The following MAPKAP1 variants were observed in gnomAD, a reference collection of about 807,000 sequenced individuals.
MAPKAP1 encodes the protein MAPK associated protein 1, also known as target of rapamycin complex 2 subunit MAPKAP1.
Under a neutral mutation model 65.7 loss-of-function variants are expected in MAPKAP1, and 20 were observed. The observed-to-expected ratio is 0.30, with a 90% confidence interval of 0.21 to 0.44. MAPKAP1 has a LOEUF of 0.44. Among genes scored for constraint, MAPKAP1 ranks in the 20% least tolerant of loss-of-function variants. The pLI is 1.00. For missense variants in MAPKAP1, 423 were observed against 648.0 expected (o/e 0.65, Z 3.77); for synonymous variants, 222 against 244.3 (o/e 0.91, Z 0.85).
rs149637571 is a variant in MAPKAP1 at position 125,476,915 on chromosome 9, T to C, written c.1207+7528A>G. Among the ~76,000 whole-genome samples the C allele has an allele frequency of 4.2e-3, 641 of 152,332 alleles. 3 individuals carry two copies. Among genetic ancestry groups the C allele is most frequent in the Non-Finnish European group, 7.5e-3 (511 of 68,026 alleles). On this transcript the variant is annotated intron_variant, in intron 9 of 11. Coordinates refer to ENST00000265960, the MANE Select transcript of MAPKAP1 (RefSeq NM_001006617.3). Reference sequence around the variant, plus strand: ...TGTTGCCCTCAGACACAGCTGGAGATGCTGCCTCAGCATAATGCTCTGGGC... The same window carrying C: ...TGTTGCCCTCAGACACAGCTGGAGACGCTGCCTCAGCATAATGCTCTGGGC...
intron 4 of MAPKAP1, among the ~76,000 whole-genome samples, chr9:125,655,612 C>A (rs1834013248): frequency 6.6e-6 from 1 of 152,156 alleles, no homozygotes; most frequent in African/African-American, 2.4e-5. Context: ...TTAATATGTA[C>A]AGTACAATAT....
At chr9:125,635,521 T>G (rs890087958) in intron 4 of MAPKAP1, among the ~76,000 whole-genome samples, 1 of 152,172 alleles carries the variant, frequency 6.6e-6, no homozygotes, top group Non-Finnish European at 1.5e-5. Flanking sequence ...GCGCCCTACC[T>G]TTTGCCACAA....
At chr9:125,581,324 T>A (rs953666271) in intron 5 of MAPKAP1, among the ~76,000 whole-genome samples, 2 of 152,256 alleles carry the variant, frequency 1.3e-5, no homozygotes, top group Non-Finnish European at 2.9e-5. Flanking sequence ...TCAACAGAAA[T>A]GATGTATGAT....
intron 4 of MAPKAP1, among the ~76,000 whole-genome samples, chr9:125,633,969 C>T (rs535325111): frequency 3.6e-4 from 55 of 152,204 alleles, no homozygotes; most frequent in South Asian, 3.5e-3. Context: ...TGCTGGAATC[C>T]GATGTGTTAA....
chr9:125,450,563 AT>A (rs1852906721), intron 10 of MAPKAP1, among the ~76,000 whole-genome samples: 1 of 152,134 alleles, frequency 6.6e-6, no homozygotes, highest in African/African-American at 2.4e-5. Context: ...TCATGTTGCT[AT>A]CTCTGTTGGG....
At chr9:125,653,081 C>T (rs1833938079) in intron 4 of MAPKAP1, among the ~76,000 whole-genome samples, 1 of 152,192 alleles carries the variant, frequency 6.6e-6, no homozygotes, top group South Asian at 2.1e-4. Context: ...TGCTACACGT[C>T]CTGCTAAACA....
intron 10 of MAPKAP1, among the ~76,000 whole-genome samples, chr9:125,459,552 T>A (rs939750630): frequency 2.0e-5 from 3 of 152,072 alleles, no homozygotes; most frequent in Non-Finnish European, 4.4e-5. Context: ...CGAGACTCCG[T>A]CTGCAATCCC....
At chr9:125,521,488 AT>A in intron 7 of MAPKAP1, 2 of 1,257,434 alleles carry the variant, frequency 1.6e-6, no homozygotes, top group Non-Finnish European at 2.0e-6. Context: ...ATAAACAGTC[AT>A]TTATTTTAAA....
At chr9:125,685,596 G>A (rs531437658) in intron 1 of MAPKAP1, among the ~76,000 whole-genome samples, 1 of 152,374 alleles carries the variant, frequency 6.6e-6, no homozygotes, top group South Asian at 2.1e-4. Context: ...TGGTTGCCAT[G>A]TTAAGGAATG....
At chr9:125,700,073 G>A (rs1835549664) in intron 1 of MAPKAP1, among the ~76,000 whole-genome samples, 1 of 152,186 alleles carries the variant, frequency 6.6e-6, no homozygotes, top group African/African-American at 2.4e-5. Flanking sequence ...AGACTGTCCA[G>A]CTTACAGACT....
chr9:125,675,712 T>A (rs752403154), intron 1 of MAPKAP1, among the ~76,000 whole-genome samples: 1 of 152,224 alleles, frequency 6.6e-6, no homozygotes, highest in African/African-American at 2.4e-5. Context: ...TAACACCATA[T>A]TCCTTCTGGC....
At position 125,672,659 on chromosome 9, in the gene MAPKAP1, A is replaced by G; in HGVS notation, c.-69-16T>C. 4 of 1,444,418 alleles carry G rather than the reference A, an allele frequency of 2.8e-6. No homozygotes were observed. The highest frequency in any genetic ancestry group is 2.6e-5 in the South Asian group (2 of 78,416). The allele number at this position is 1,444,418 out of a possible 1,614,324, so 89.5% of individuals were successfully genotyped here. On this transcript the variant is annotated splice_polypyrimidine_tract_variant and intron_variant, in intron 1 of 11. Transcript: ENST00000265960. ...GCTCACCTACCTAGAAACATGATGT[A>G]CACAGCAAATATTTAAGAATAAGGC...
At chr9:125,478,591 A>C (rs953214429) in intron 9 of MAPKAP1, among the ~76,000 whole-genome samples, 3 of 152,080 alleles carry the variant, frequency 2.0e-5, no homozygotes, top group Non-Finnish European at 4.4e-5. Context: ...TGGCCTCCCA[A>C]AGTGCTGGGA....
chr9:125,698,305 ATATATAT>A (rs1835478341), intron 1 of MAPKAP1, among the ~76,000 whole-genome samples: 9 of 30,178 alleles, frequency 3.0e-4, no homozygotes, highest in South Asian at 1.5e-3. Context: ...ATATATATAT[ATATATAT>A]ATATATATAT....
At chr9:125,581,793 G>A (rs1831634481) in intron 5 of MAPKAP1, among the ~76,000 whole-genome samples, 1 of 151,548 alleles carries the variant, frequency 6.6e-6, no homozygotes, top group South Asian at 2.1e-4. Flanking sequence ...CATGATTTAG[G>A]TTGATTTTTT....
intron 8 of MAPKAP1, among the ~76,000 whole-genome samples, chr9:125,503,914 T>C (rs1346508718): frequency 7.3e-6 from 1 of 137,916 alleles, no homozygotes; most frequent in African/African-American, 2.7e-5. Context: ...TTTTTGTATT[T>C]TTGGTAGAGA....
intron 4 of MAPKAP1, among the ~76,000 whole-genome samples, chr9:125,591,215 C>T (rs1831952192): frequency 6.6e-6 from 1 of 152,210 alleles, no homozygotes; most frequent in South Asian, 2.1e-4. Flanking sequence ...AACACCAACG[C>T]CTTCTTTCCC....
chr9:125,582,936 C>G (rs1370880811), intron 5 of MAPKAP1, among the ~76,000 whole-genome samples: 1 of 152,176 alleles, frequency 6.6e-6, no homozygotes, highest in Non-Finnish European at 1.5e-5. Flanking sequence ...CACCCATGCC[C>G]TGACTAGCTG....
chr9:125,541,665 C>A (rs1294187817), intron 7 of MAPKAP1, among the ~76,000 whole-genome samples: 1 of 152,074 alleles, frequency 6.6e-6, no homozygotes, highest in Non-Finnish European at 1.5e-5. Context: ...AGAAGTTTGA[C>A]CCCCACGCAA....
Sources: allele counts gnomAD v4.1 joint callset (sites outside exome capture counted in the v4.1 genomes callset), GRCh38; gene constraint gnomAD v4.1.1; transcripts MANE v1.5; gene names NCBI Gene and HGNC (gene_info 2026-07-23, HGNC 2026-07-21).